FBXL4: variants seen among roughly 807,000 people sequenced by gnomAD.
FBXL4 encodes F-box and leucine rich repeat protein 4.
In FBXL4, 40 loss-of-function variants were observed where a neutral mutation model predicts 58.9. The observed-to-expected ratio is 0.68, with a 90% CI of 0.53 to 0.88. The LOEUF is 0.88. Ranked by LOEUF, FBXL4 falls within the 40% of genes least tolerant of loss-of-function variation. The probability of loss-of-function intolerance (pLI) is 0.00; values close to 1 mark genes in which losing one functional copy is unlikely to be tolerated. For synonymous variants in FBXL4, 263 were observed against 265.5 expected (o/e 0.99, Z 0.09); for missense variants, 676 against 734.4 (o/e 0.92, Z 0.92).
At chr6:98,933,126 T>C in intron 2 of FBXL4, among the ~76,000 whole-genome samples, 1 of 152,166 alleles carries the variant, frequency 6.6e-6, no homozygotes, top group East Asian at 1.9e-4. Context: ...AAAGCATCAA[T>C]GGAGAAAAGA....
At chr6:98,894,726 T>C (rs139290081) in intron 7 of FBXL4, among the ~76,000 whole-genome samples, 127 of 152,330 alleles carry the variant, frequency 8.3e-4, no homozygotes, top group African/African-American at 3.0e-3. Flanking sequence ...TCAACAAATA[T>C]ATGCCACTGA....
chr6:98,869,729 CAT>C lies in FBXL4; in HGVS notation c.*4547_*4548del, dbSNP rs1160266128. The C allele has an allele frequency of 2.0e-5, 3 of 152,172 alleles. No homozygotes were observed. The highest frequency in any genetic ancestry group is 7.2e-5 in the African/African-American group (3 of 41,450). 9.4% of individuals were successfully genotyped at this position (152,172 alleles called of 1,614,324 possible). Reference sequence around the variant, plus strand: ...CTTTGATTAGTATCATTACACTTCACATATGAGTTTTAGTCTTCAGTTAATTC... The same window carrying C: ...CTTTGATTAGTATCATTACACTTCACATGAGTTTTAGTCTTCAGTTAATTC... On this transcript the variant is annotated 3_prime_UTR_variant, in exon 10 of 10. Transcript: ENST00000369244.
chr6:98,894,166 T>A (rs1771330923), intron 7 of FBXL4, among the ~76,000 whole-genome samples: 1 of 152,216 alleles, frequency 6.6e-6, no homozygotes, highest in African/African-American at 2.4e-5. Context: ...TGAGCCCAGC[T>A]GAATGGGCTA....
At chr6:98,933,689 G>A (rs183181896) in intron 2 of FBXL4, among the ~76,000 whole-genome samples, 1 of 152,206 alleles carries the variant, frequency 6.6e-6, no homozygotes, top group Admixed American at 6.5e-5. Flanking sequence ...CCCAAGTTCG[G>A]AGAACATGCC....
intron 2 of FBXL4, among the ~76,000 whole-genome samples, chr6:98,933,597 T>C (rs1253789939): frequency 1.3e-5 from 2 of 152,220 alleles, no homozygotes; most frequent in African/African-American, 4.8e-5. Flanking sequence ...ACCATGCACC[T>C]TTCCTCTGCT....
At chr6:98,925,937 C>T (rs1772759798) in intron 4 of FBXL4, among the ~76,000 whole-genome samples, 1 of 152,062 alleles carries the variant, frequency 6.6e-6, no homozygotes, top group Non-Finnish European at 1.5e-5. Flanking sequence ...ATGACAAAAA[C>T]GACAGCCAAG....
intron 5 of FBXL4, among the ~76,000 whole-genome samples, chr6:98,914,399 T>C (rs1389015963): frequency 3.9e-5 from 6 of 152,170 alleles, no homozygotes; most frequent in Non-Finnish European, 5.9e-5. Flanking sequence ...TTGATGAACA[T>C]TGATGCAAAA....
chr6:98,899,603 T>A, intron 6 of FBXL4, 122 bp from the exon 7 acceptor site: 1 of 1,205,398 alleles, frequency 8.3e-7, no homozygotes, highest in South Asian at 1.7e-5. Flanking sequence ...AGGGAAAATG[T>A]AAAATTTGTT....
chr6:98,939,998 A>G (rs1773374743), intron 1 of FBXL4, among the ~76,000 whole-genome samples: 1 of 152,234 alleles, frequency 6.6e-6, no homozygotes, highest in Non-Finnish European at 1.5e-5. Flanking sequence ...AATTTTATGC[A>G]GTTATGATTT....
chr6:98,899,170 T>A (rs577728616), intron 7 of FBXL4, 98 bp downstream of exon 7: 12 of 1,521,926 alleles, frequency 7.9e-6, no homozygotes, highest in Non-Finnish European at 1.1e-5. Context: ...TAAACTTGAT[T>A]TAAAAATAAA....
rs116001370 is a variant in FBXL4 at position 98,947,325 on chromosome 6, C to T, written c.-309+481G>A. Among the ~76,000 whole-genome samples the T allele has an allele frequency of 5.6e-3, 858 of 152,344 alleles. 12 individuals are homozygous for T. Among genetic ancestry groups the T allele is most frequent in the African/African-American group, 0.02 (826 of 41,596 alleles). Reference sequence around the variant, plus strand: ...ACAGAAACAAGGTTGTAGCTGGGCACCCTGTAGCAGTCCTGAAGAAAGAAA... The same window carrying T: ...ACAGAAACAAGGTTGTAGCTGGGCATCCTGTAGCAGTCCTGAAGAAAGAAA... On this transcript the variant is annotated intron_variant, in intron 1 of 9. Transcript: ENST00000369244.
intron 7 of FBXL4, among the ~76,000 whole-genome samples, chr6:98,884,232 TA>T (rs1440875660): frequency 6.6e-6 from 1 of 152,094 alleles, no homozygotes; most frequent in African/African-American, 2.4e-5. Context: ...ATTCATTTAA[TA>T]AACAGTTATT....
In FBXL4 at chr6:98,870,183, G is replaced by A. The variant is rs1240672642; in HGVS notation, c.*4095C>T. ...AAATGGCAAAATGAGAATGATAACA[G>A]CGAATTAACAGGTTTGAATGTGGTT... On this transcript the variant is annotated 3_prime_UTR_variant, in exon 10 of 10. Coordinates refer to ENST00000369244, the MANE Select transcript of FBXL4 (RefSeq NM_001278716.2). 6.6e-6 allele frequency: 1 copy of A among 152,160 alleles called. No homozygotes were observed. The highest frequency in any genetic ancestry group is 6.5e-5 in the Admixed American group (1 of 15,272). The allele number at this position is 152,160 out of a possible 1,614,324, so 9.4% of individuals were successfully genotyped here. A position where few individuals can be genotyped will look rare whatever the true frequency, so the allele number is the denominator to read the frequency against.
Position 98,917,447 on chromosome 6 carries a change from A to G in FBXL4, c.785T>C (p.Leu262Pro), listed in dbSNP as rs1582424749. The part of the protein sequence containing the change: ...AEKDGCGMDS[L>P]NKKFSSAVLG... ...GACAGCACTGCTAAACTTTTTGTTA[A>G]GACTGTCCATTCCACAACCATCCTT... Residue 262 changes from leucine (L) to proline (P), a missense_variant, in exon 5 of 10, where the codon CTT becomes CCT. Transcript: ENST00000369244. 6.2e-7 allele frequency: 1 copy of G among 1,614,030 alleles called. No homozygotes were observed. The highest frequency in any genetic ancestry group is 8.5e-7 in the Non-Finnish European group (1 of 1,179,934).
chr6:98,884,513 C>T (rs946959463), intron 7 of FBXL4, among the ~76,000 whole-genome samples: 3 of 152,132 alleles, frequency 2.0e-5, no homozygotes, highest in Non-Finnish European at 4.4e-5. Flanking sequence ...TTTCAACACT[C>T]TGAAAACATT....
intron 1 of FBXL4, among the ~76,000 whole-genome samples, chr6:98,946,676 A>T (rs1169600714): frequency 6.6e-6 from 1 of 152,230 alleles, no homozygotes; most frequent in East Asian, 1.9e-4. Flanking sequence ...TTGAAAATGC[A>T]GAGTTCAGAA....
intron 2 of FBXL4, among the ~76,000 whole-genome samples, chr6:98,934,306 G>A (rs955083216): frequency 1.3e-5 from 2 of 151,972 alleles, no homozygotes; most frequent in Non-Finnish European, 2.9e-5. Flanking sequence ...GAGAAGAGGC[G>A]GAGAATGGCT....
intron 6 of FBXL4, among the ~76,000 whole-genome samples, chr6:98,904,248 T>A (rs563997420): frequency 1.3e-5 from 2 of 152,174 alleles, no homozygotes; most frequent in African/African-American, 4.8e-5. Flanking sequence ...TAGAAAGGAC[T>A]AAACTGTGTT....
At chr6:98,944,177 A>C (rs1281151441) in intron 1 of FBXL4, among the ~76,000 whole-genome samples, 1 of 152,276 alleles carries the variant, frequency 6.6e-6, no homozygotes, top group Non-Finnish European at 1.5e-5. Flanking sequence ...GAGTATTTTA[A>C]TAATCTTCCG....
Sources: gnomAD v4.1 joint callset for allele counts (sites outside exome capture counted in the v4.1 genomes callset) on GRCh38, gnomAD v4.1.1 for gene constraint, MANE v1.5 for transcripts, NCBI Gene and HGNC (gene_info 2026-07-23, HGNC 2026-07-21) for gene names.